Variants in MDGA2 observed in about 807,000 individuals in gnomAD.
MDGA2 encodes the protein MAM domain containing glycosylphosphatidylinositol anchor 2.
Under a neutral mutation model 117.8 loss-of-function variants are expected in MDGA2, and 40 were observed. That is an observed-to-expected ratio of 0.34 (90% CI 0.26 to 0.44). The LOEUF (loss-of-function observed/expected upper bound fraction) is 0.44, where lower values mean the gene tolerates loss of function less well. Among genes scored for constraint, MDGA2 ranks in the 20% least tolerant of loss-of-function variants. MDGA2 has a pLI of 1.00. For synonymous variants in MDGA2, 452 were observed against 439.0 expected, an observed-to-expected ratio of 1.03 and a Z score of -0.37; for missense variants, 1,123 against 1,250.6, an observed-to-expected ratio of 0.90 and a Z score of 1.54.
chr14:47,618,765 A>C (rs1378475595), intron 1 of MDGA2, among the ~76,000 whole-genome samples: 3 of 152,182 alleles, frequency 2.0e-5, no homozygotes, highest in Non-Finnish European at 4.4e-5. Context: ...AAAAACAAAA[A>C]AACTAAGCCA....
intron 1 of MDGA2, among the ~76,000 whole-genome samples, chr14:47,375,480 C>T (rs1331048458): frequency 2.0e-5 from 3 of 151,992 alleles, no homozygotes; most frequent in Non-Finnish European, 4.4e-5. Context: ...AACTGATGTA[C>T]TCATGATATT....
intron 8 of MDGA2, among the ~76,000 whole-genome samples, chr14:47,030,288 G>A (rs369337678): frequency 6.6e-6 from 1 of 151,968 alleles, no homozygotes; most frequent in Non-Finnish European, 1.5e-5. Context: ...GCTGAGGTTG[G>A]TGGATCACCT....
In MDGA2 at chr14:47,287,453, G is replaced by T. The variant is rs34506308; in HGVS notation, c.420+13958C>A. Among the ~76,000 whole-genome samples, 602 of 152,162 alleles carry T rather than the reference G, an allele frequency of 4.0e-3. 1 individual carries two copies. The highest frequency in any genetic ancestry group is 5.3e-3 in the Non-Finnish European group (358 of 67,998). On this transcript the variant is annotated intron_variant, in intron 2 of 16. Coordinates refer to ENST00000399232, the MANE Select transcript of MDGA2 (RefSeq NM_001113498.3). ...AAAATATGAATTATATATTTATGGT[G>T]TACAATGTGATGTTTTGATATATGT... is the stretch of plus-strand genomic sequence containing the variant.
chr14:46,925,829 ATC>A (rs985702296), intron 9 of MDGA2, among the ~76,000 whole-genome samples: 3 of 152,146 alleles, frequency 2.0e-5, no homozygotes, highest in Non-Finnish European at 4.4e-5. Context: ...AAAAAATCAA[ATC>A]TCTCAGACAG....
At chr14:47,436,374 A>G (rs1047126996) in intron 1 of MDGA2, among the ~76,000 whole-genome samples, 1 of 152,134 alleles carries the variant, frequency 6.6e-6, no homozygotes, top group African/African-American at 2.4e-5. Context: ...TCATAATGTT[A>G]CATGTAGCTA....
At chr14:46,932,917 A>C (rs1299695001) in intron 9 of MDGA2, among the ~76,000 whole-genome samples, 1 of 152,106 alleles carries the variant, frequency 6.6e-6, no homozygotes, top group Non-Finnish European at 1.5e-5. Context: ...AAGTTAGTTC[A>C]GTAAGGTTGT....
Position 47,570,522 on chromosome 14 carries a change from T to A in MDGA2, c.280+103995A>T, listed in dbSNP as rs146364954. The stretch of plus-strand genomic sequence containing the variant: ...TGATATATTACTTTGTAAGTGATAC[T>A]TTTTTCTGTATTTCCATTTCATATT... On this transcript the variant is annotated intron_variant, in intron 1 of 16. Transcript: ENST00000399232. 1.8e-3 allele frequency among the ~76,000 whole-genome samples: 274 copies of A among 152,264 alleles called. 1 individual carries two copies. Among genetic ancestry groups the A allele is most frequent in the African/African-American group, 6.3e-3 (263 of 41,556 alleles).
At chr14:46,906,978 T>C (rs77321040) in intron 10 of MDGA2, among the ~76,000 whole-genome samples, 4,797 of 139,304 alleles carry the variant, frequency 0.034, 208 homozygotes, top group African/African-American at 0.12. Flanking sequence ...TTTTCTTTTT[T>C]TTTTTTTTTT....
At chr14:47,259,395 C>T (rs1018534091) in intron 2 of MDGA2, among the ~76,000 whole-genome samples, 1 of 152,008 alleles carries the variant, frequency 6.6e-6, no homozygotes, top group African/African-American at 2.4e-5. Flanking sequence ...ATAACCAATC[C>T]TATAAATAAG....
At chr14:46,984,523 A>G (rs1312392982) in intron 8 of MDGA2, among the ~76,000 whole-genome samples, 2 of 152,006 alleles carry the variant, frequency 1.3e-5, no homozygotes, top group African/African-American at 2.4e-5. Context: ...GTGCAATTAT[A>G]TCAAAATCAT....
chr14:47,488,214 T>C (rs1228512787), intron 1 of MDGA2, among the ~76,000 whole-genome samples: 1 of 152,166 alleles, frequency 6.6e-6, no homozygotes, highest in African/African-American at 2.4e-5. Flanking sequence ...CAAACTAAGA[T>C]GATGTACTTA....
intron 14 of MDGA2, among the ~76,000 whole-genome samples, chr14:46,859,377 G>A (rs1266010559): frequency 2.6e-5 from 4 of 152,164 alleles, no homozygotes; most frequent in Non-Finnish European, 4.4e-5. Flanking sequence ...CTAGCCTTCA[G>A]CAAATAGTCA....
chr14:47,623,149 G>A (rs1426810421), intron 1 of MDGA2, among the ~76,000 whole-genome samples: 1 of 152,064 alleles, frequency 6.6e-6, no homozygotes, highest in East Asian at 1.9e-4. Flanking sequence ...CTGATAAAAC[G>A]ATGAGTTCAG....
chr14:47,078,874 G>A (rs1890595092), intron 6 of MDGA2, among the ~76,000 whole-genome samples: 1 of 152,116 alleles, frequency 6.6e-6, no homozygotes, highest in Non-Finnish European at 1.5e-5. Flanking sequence ...CCATGCTGAA[G>A]AGACCTCTCT....
At chr14:47,307,345 T>C (rs1174979668) in intron 1 of MDGA2, among the ~76,000 whole-genome samples, 1 of 152,202 alleles carries the variant, frequency 6.6e-6, no homozygotes, top group African/African-American at 2.4e-5. Context: ...TTGCCTAACA[T>C]CTTCCTCATT....
intron 1 of MDGA2, among the ~76,000 whole-genome samples, chr14:47,486,291 A>G (rs1038158074): frequency 6.6e-6 from 1 of 152,202 alleles, no homozygotes; most frequent in African/African-American, 2.4e-5. Context: ...TCAGAATTGC[A>G]TGGGGCCTGT....
rs67255552 is a variant in MDGA2 at position 47,370,468 on chromosome 14, G to GTTTTTTTTTTTTT, written c.281-68931_281-68919dup. Among the ~76,000 whole-genome samples, 14 of 20,684 alleles carry GTTTTTTTTTTTTT rather than the reference G, an allele frequency of 6.8e-4. 6 individuals are homozygous for GTTTTTTTTTTTTT. Among genetic ancestry groups the GTTTTTTTTTTTTT allele is most frequent in the Non-Finnish European group, 1.3e-3 (13 of 9,988 alleles). 13.6% of individuals were successfully genotyped at this position (20,684 alleles called of 152,430 possible). A position where few individuals can be genotyped will look rare whatever the true frequency, so the allele number is the denominator to read the frequency against. Reference sequence around the variant, plus strand: ...TTACTATTTTCTAGGTCTACTTACTGTTTTTTTTTTTTTTTTTTTTTTTTT... The same window carrying GTTTTTTTTTTTTT: ...TTACTATTTTCTAGGTCTACTTACTGTTTTTTTTTTTTTTTTTTTTTTTTTTTTTTTTTTTTTT... On this transcript the variant is annotated intron_variant, in intron 1 of 16. Transcript: ENST00000399232.
chr14:47,658,420 T>C (rs1897784780), intron 1 of MDGA2, among the ~76,000 whole-genome samples: 1 of 152,042 alleles, frequency 6.6e-6, no homozygotes, highest in Non-Finnish European at 1.5e-5. Flanking sequence ...TTAGAATTGC[T>C]AGCTAAGGGT....
intron 8 of MDGA2, among the ~76,000 whole-genome samples, chr14:46,967,286 T>C (rs1337557374): frequency 6.6e-6 from 1 of 152,132 alleles, no homozygotes; most frequent in Non-Finnish European, 1.5e-5. Context: ...CTGAGAAATA[T>C]GTACTCATTA....
Sources: allele counts gnomAD v4.1 joint callset (sites outside exome capture counted in the v4.1 genomes callset), GRCh38; gene constraint gnomAD v4.1.1; transcripts MANE v1.5; gene names NCBI Gene and HGNC (gene_info 2026-07-23, HGNC 2026-07-21).